TBC1D32: variants seen among roughly 807,000 people sequenced by gnomAD.
The protein encoded by TBC1D32 is protein broad-minded.
In TBC1D32, 151 loss-of-function variants were observed where a neutral mutation model predicts 170.3. The ratio of observed to expected loss-of-function variants is 0.89; its 90% CI spans 0.78 to 1.01. The LOEUF (loss-of-function observed/expected upper bound fraction) is 1.01, where lower values mean the gene tolerates loss of function less well. Among genes scored for constraint, TBC1D32 ranks in the 50% least tolerant of loss-of-function variants. The pLI is 0.00. For synonymous variants in TBC1D32, 498 were observed against 488.0 expected, an observed-to-expected ratio of 1.02 and a Z score of -0.27; for missense variants, 1,464 against 1,457.1, an observed-to-expected ratio of 1.00 and a Z score of -0.08.
At position 121,289,856 on chromosome 6, in the gene TBC1D32, C is replaced by T. The variant is rs149586364; in HGVS notation, c.1372+2197G>A. ...CAGAAATAATGCCGCATATCTACAA[C>T]CATCTGATCTTTGCCAAACCTGACA... is the stretch of plus-strand genomic sequence containing the variant. On this transcript the variant is annotated intron_variant, in intron 12 of 31. Transcript: ENST00000398212. Among the ~76,000 whole-genome samples the T allele has an allele frequency of 8.8e-3, 1,345 of 152,220 alleles. 23 individuals carry two copies. Among genetic ancestry groups the T allele is most frequent in the African/African-American group, 0.031 (1,271 of 41,512 alleles).
At chr6:121,241,330 T>C (rs1796957260) in intron 19 of TBC1D32, 135 bp downstream of exon 19, 4 of 704,984 alleles carry the variant, frequency 5.7e-6, no homozygotes, top group Non-Finnish European at 9.2e-6. Flanking sequence ...AACTTTCTTT[T>C]ACATAAGGTC....
chr6:121,255,678 T>C (rs1259958697), intron 16 of TBC1D32, among the ~76,000 whole-genome samples: 3 of 151,862 alleles, frequency 2.0e-5, no homozygotes, highest in Non-Finnish European at 4.4e-5. Context: ...CCATATCAAA[T>C]GGGGGGAAAA....
intron 20 of TBC1D32, among the ~76,000 whole-genome samples, chr6:121,225,150 G>A (rs1794920991): frequency 1.3e-5 from 2 of 151,924 alleles, no homozygotes; most frequent in Admixed American, 1.3e-4. Context: ...AAAAACTGGA[G>A]GGTTCATAGT....
chr6:121,199,227 AC>A (rs1243316037), intron 22 of TBC1D32, among the ~76,000 whole-genome samples: 2 of 151,482 alleles, frequency 1.3e-5, no homozygotes, highest in African/African-American at 2.5e-5. Context: ...AAATAAAAAA[AC>A]ACCTACGTGT....
At chr6:121,132,692 G>A (rs1781572326) in intron 24 of TBC1D32, among the ~76,000 whole-genome samples, 1 of 151,884 alleles carries the variant, frequency 6.6e-6, no homozygotes. Flanking sequence ...TGAAGATAAT[G>A]AATAGAGCTA....
chr6:121,097,843 A>G (rs192002962), intron 30 of TBC1D32, among the ~76,000 whole-genome samples: 433 of 152,258 alleles, frequency 2.8e-3, no homozygotes, highest in Middle Eastern at 6.8e-3. Flanking sequence ...TGGCACATAT[A>G]CACCATGGAA....
At chr6:121,178,663 G>A (rs1788105129) in intron 22 of TBC1D32, among the ~76,000 whole-genome samples, 1 of 152,054 alleles carries the variant, frequency 6.6e-6, no homozygotes, top group Admixed American at 6.6e-5. Flanking sequence ...CCTATGATAT[G>A]TCTCTAACCA....
rs371151560 is a variant in TBC1D32, at chr6:121,213,524, T to TAAAATAAAATAAATAAAATAAAATA, written c.2482-8362_2482-8361insTATTTTATTTTATTTATTTTATTTT. On this transcript the variant is annotated intron_variant, in intron 21 of 31. Coordinates refer to ENST00000398212, the MANE Select transcript of TBC1D32 (RefSeq NM_152730.6). ...TAAAATAAAATAAAATAAAATAAAA[T>TAAAATAAAATAAATAAAATAAAATA]AAATAAAATAAAATAAAATAAAATA... Among the ~76,000 whole-genome samples, 27 of 31,108 alleles carry TAAAATAAAATAAATAAAATAAAATA rather than the reference T, an allele frequency of 8.7e-4. No individual in the cohort carries two copies. In the East Asian group the frequency reaches 8.9e-3, roughly 10 times the overall value. 20.4% of individuals were successfully genotyped at this position (31,108 alleles called of 152,430 possible). A position where few individuals can be genotyped will look rare whatever the true frequency, so the allele number is the denominator to read the frequency against.
chr6:121,162,812 C>A (rs907525564), intron 22 of TBC1D32, among the ~76,000 whole-genome samples: 1 of 100,200 alleles, frequency 1.0e-5, no homozygotes, highest in Non-Finnish European at 2.3e-5. Context: ...TCTGAGGTAC[C>A]GGGTGCATCT....
chr6:121,330,363 T>G, intron 1 of TBC1D32, among the ~76,000 whole-genome samples: 1 of 152,146 alleles, frequency 6.6e-6, no homozygotes, highest in African/African-American at 2.4e-5. Context: ...AATTACCTCT[T>G]AAACATACTA....
In TBC1D32 at chr6:121,161,046, T is replaced by G. The variant is rs1785561329; in HGVS notation, c.2581A>C (p.Ile861Leu). Residue 861 changes from isoleucine (I) to leucine (L), a missense_variant, in exon 23 of 32, where the codon ATT (isoleucine) becomes CTT (leucine). By Grantham distance (5) the Ile-to-Leu change is conservative. Coordinates refer to ENST00000398212, the MANE Select transcript of TBC1D32 (RefSeq NM_152730.6). ...SHIFGLRDFI[I>L]DGLSVERNHV... ...TTTCTCTCCACTGATAAGCCATCAA[T>G]TATAAAGTCCCTGAAAAAATAAATA... is the stretch of plus-strand genomic sequence containing the variant. 1.2e-6 allele frequency: 2 copies of G among 1,610,098 alleles called. No homozygotes were observed. Among genetic ancestry groups the G allele is most frequent in the Non-Finnish European group, 1.7e-6 (2 of 1,177,958 alleles).
At chr6:121,091,985 T>A (rs182573800) in intron 30 of TBC1D32, among the ~76,000 whole-genome samples, 32 of 152,246 alleles carry the variant, frequency 2.1e-4, no homozygotes, top group African/African-American at 7.7e-4. Context: ...AAGCAATATG[T>A]ATCTGCAAGC....
intron 24 of TBC1D32, among the ~76,000 whole-genome samples, chr6:121,149,451 G>A (rs1478021854): frequency 1.3e-5 from 2 of 152,072 alleles, no homozygotes; most frequent in African/African-American, 4.8e-5. Context: ...ATAACAAAGG[G>A]GTCCAGTTTC....
At chr6:121,291,958 T>A in intron 12 of TBC1D32, 95 bp downstream of exon 12, 1 of 1,305,488 alleles carries the variant, frequency 7.7e-7, no homozygotes, top group Non-Finnish European at 1.0e-6. Flanking sequence ...CTAAGTACCG[T>A]AGAAAGGAAC....
At chr6:121,122,914 G>A (rs914078504) in intron 26 of TBC1D32, among the ~76,000 whole-genome samples, 1 of 152,034 alleles carries the variant, frequency 6.6e-6, no homozygotes, top group African/African-American at 2.4e-5. Flanking sequence ...GCAGGATAAT[G>A]TAAGATCATG....
At position 121,298,716 on chromosome 6, in the gene TBC1D32, TCTC is replaced by T. The variant is rs940545958; in HGVS notation, c.1140+727_1140+729del. Among the ~76,000 whole-genome samples, 78 of 152,174 alleles carry T rather than the reference TCTC, an allele frequency of 5.1e-4. 1 individual carries two copies. The highest frequency in any genetic ancestry group is 1.8e-3 in the African/African-American group (74 of 41,548). On this transcript the variant is annotated intron_variant, in intron 10 of 31. Transcript: ENST00000398212. ...TTCTCAAACACACAACAATTATTGT[TCTC>T]CTTCCTTCATTTTATGCTCTACTGC...
intron 30 of TBC1D32, among the ~76,000 whole-genome samples, chr6:121,094,692 T>TC (rs1322158231): frequency 1.3e-5 from 2 of 152,114 alleles, no homozygotes; most frequent in African/African-American, 4.8e-5. Flanking sequence ...TCCTATAGGT[T>TC]CCCCTCCTTT....
At chr6:121,305,681 T>G (rs1807220870) in intron 5 of TBC1D32, among the ~76,000 whole-genome samples, 1 of 152,102 alleles carries the variant, frequency 6.6e-6, no homozygotes, top group African/African-American at 2.4e-5. Flanking sequence ...AAGTCTATTT[T>G]TATAGTTGCA....
intron 25 of TBC1D32, among the ~76,000 whole-genome samples, chr6:121,127,030 G>A (rs1220086607): frequency 1.3e-5 from 2 of 152,106 alleles, no homozygotes; most frequent in Non-Finnish European, 2.9e-5. Context: ...CCCTGAAATG[G>A]ATATAAACAG....
Sources: gnomAD v4.1 joint callset for allele counts (sites outside exome capture counted in the v4.1 genomes callset) on GRCh38, gnomAD v4.1.1 for gene constraint, MANE v1.5 for transcripts, NCBI Gene and HGNC (gene_info 2026-07-23, HGNC 2026-07-21) for gene names.